The following VIM variants were observed in gnomAD, a reference collection of about 807,000 sequenced individuals.
VIM encodes epididymis secretory sperm binding protein.
VIM carries 18 observed loss-of-function variants against 50.3 expected under a neutral mutation model. The observed-to-expected ratio is 0.36, with a 90% CI of 0.25 to 0.53. The LOEUF is 0.53. VIM is among the 20% of genes least tolerant of loss of function. The pLI is 0.91. For synonymous variants in VIM, 245 were observed against 248.5 expected, an observed-to-expected ratio of 0.99 and a Z score of 0.13; for missense variants, 551 against 614.7, an observed-to-expected ratio of 0.90 and a Z score of 1.10.
chr10:17,228,781 G>GC, intron 1 of VIM: 1 of 153,758 alleles, frequency 6.5e-6, no homozygotes, highest in Non-Finnish European at 1.4e-5. Context: ...CGCTGTGCGC[G>GC]CCCCCACCCC....
intron 3 of VIM, 171 bp from the exon 4 acceptor site, chr10:17,233,416 G>A: frequency 3.1e-6 from 2 of 647,456 alleles, no homozygotes; most frequent in East Asian, 5.6e-5. Context: ...AGAAAGCACA[G>A]CATATTATAG....
Position 17,229,764 on chromosome 10 carries a change from C to T in VIM, c.342C>T (p.Phe114=). The part of the protein sequence containing the change: ...KVELQELNDR[F]ANYIDKVRFL... ...AGCTGCAGGAGCTGAATGACCGCTT[C>T]GCCAACTACATCGACAAGGTGCGCT... The change falls in exon 2 of 10, where the codon TTC becomes TTT. Residue 114 remains phenylalanine (F), a synonymous_variant. Transcript: ENST00000544301. 1 of 1,589,344 alleles carries T rather than the reference C, an allele frequency of 6.3e-7. No individual in the cohort carries two copies. The highest frequency in any genetic ancestry group is 8.6e-7 in the Non-Finnish European group (1 of 1,167,304).
intron 3 of VIM, among the ~76,000 whole-genome samples, chr10:17,231,756 A>G (rs1846802645): frequency 6.9e-6 from 1 of 144,206 alleles, no homozygotes; most frequent in South Asian, 2.4e-4. Context: ...AATTTTAACT[A>G]AAGGGTTTTT....
chr10:17,233,215 T>C (rs1846826977), intron 3 of VIM: 4 of 310,574 alleles, frequency 1.3e-5, no homozygotes, highest in South Asian at 1.1e-4. Context: ...CCCAAAGTGC[T>C]GGGATTACAG....
rs7096093 is a variant in VIM, at chr10:17,233,700, C to G, written c.720+18C>G. ...ACGAAGAGGTTAGTGGAGTGACTTT[C>G]GGGGAATGAATGAGGGTAAGGCAGC... On this transcript the variant is annotated intron_variant, in intron 4 of 9. Coordinates refer to ENST00000544301, the MANE Select transcript of VIM (RefSeq NM_003380.5). 5 of 1,614,064 alleles carry G rather than the reference C, an allele frequency of 3.1e-6. No individual in the cohort carries two copies. The African/African-American group carries it at 5.3e-5, about 17-fold the overall frequency.
At chr10:17,232,689 A>G (rs1344845500) in intron 3 of VIM, among the ~76,000 whole-genome samples, 3 of 152,360 alleles carry the variant, frequency 2.0e-5, no homozygotes, top group South Asian at 4.1e-4. Flanking sequence ...GTTATTGAAT[A>G]TAAATCTAGC....
intron 2 of VIM, 84 bp from the exon 3 acceptor site, chr10:17,230,566 G>T (rs777681829): frequency 6.8e-7 from 1 of 1,473,956 alleles, no homozygotes; most frequent in South Asian, 1.1e-5. Context: ...TGGAGGCGCA[G>T]AGCGAATACG....
Position 17,230,623 on chromosome 10 carries a change from C to A in VIM, c.564-27C>A, listed in dbSNP as rs77259094. ...CCGCCCCTGGCGGTTTCCTCGTTCC[C>A]CTTTGGTTAATGCGCAACTGTTTCA... On this transcript the variant is annotated intron_variant, in intron 2 of 9. Coordinates refer to ENST00000544301, the MANE Select transcript of VIM (RefSeq NM_003380.5). The A allele has an allele frequency of 7.9e-3, 12,780 of 1,613,798 alleles. 109 individuals carry two copies. The highest frequency in any genetic ancestry group is 0.022 in the South Asian group (2,004 of 91,068).
chr10:17,230,087 G>T, intron 2 of VIM, 102 bp downstream of exon 2: 1 of 1,402,056 alleles, frequency 7.1e-7, no homozygotes, highest in East Asian at 2.5e-5. Context: ...CCTTGGGGAT[G>T]TGGCCGGGGG....
At chr10:17,233,399 G>A in intron 3 of VIM, 188 bp from the exon 4 acceptor site, 1 of 602,112 alleles carries the variant, frequency 1.7e-6, no homozygotes, top group South Asian at 1.9e-5. Context: ...ATATATTAGT[G>A]AGCAGGAGAA....
chr10:17,236,254 A>C (rs964849925), intron 8 of VIM, 40 bp from the exon 9 acceptor site: 2 of 1,487,212 alleles, frequency 1.3e-6, no homozygotes, highest in Non-Finnish European at 1.9e-6. Flanking sequence ...TCCAAGAAAA[A>C]ACTCGTTTTT....
chr10:17,232,251 T>C lies in VIM; in HGVS notation c.625-1336T>C, dbSNP rs968529957. Reference sequence around the variant, plus strand: ...TGATCTTTTTGTCACCCACTCTTCATTCATTTTTCCACTAAGGTGATAGAA... The same window carrying C: ...TGATCTTTTTGTCACCCACTCTTCACTCATTTTTCCACTAAGGTGATAGAA... On this transcript the variant is annotated intron_variant, in intron 3 of 9. Transcript: ENST00000544301. 6.0e-4 allele frequency among the ~76,000 whole-genome samples: 91 copies of C among 152,250 alleles called. 1 individual carries two copies. Among genetic ancestry groups the C allele is most frequent in the African/African-American group, 1.9e-3 (79 of 41,472 alleles).
Position 17,236,300 on chromosome 10 carries a change from A to G in VIM, c.1280A>G (p.Asn427Ser). The change falls in exon 9 of 10, where the codon AAT (asparagine) becomes AGT (serine). Residue 427 changes from asparagine (N) to serine (S), a missense_variant. By Grantham distance (46) the Asn-to-Ser change is conservative. Coordinates refer to ENST00000544301, the MANE Select transcript of VIM (RefSeq NM_003380.5). The part of the protein sequence containing the change: ...NFSSLNLRET[N>S]LDSLPLVDTH... ...GGCCTGTTTGTTTATTTAGAAACTA[A>G]TCTGGATTCACTCCCTCTGGTTGAT... The G allele has an allele frequency of 6.2e-7, 1 of 1,613,278 alleles. No individual in the cohort carries two copies. The highest frequency in any genetic ancestry group is 8.5e-7 in the Non-Finnish European group (1 of 1,179,250).
chr10:17,235,629 TC>T, intron 7 of VIM: 1 of 692,826 alleles, frequency 1.4e-6, no homozygotes, highest in Non-Finnish European at 2.5e-6. Flanking sequence ...CACTCCTAAC[TC>T]CTGTTCATGC....
Position 17,229,313 on chromosome 10 carries a change from G to T in VIM, c.-110G>T, listed in dbSNP as rs1846735436. On this transcript the variant is annotated 5_prime_UTR_variant, in exon 2 of 10. Coordinates refer to ENST00000544301, the MANE Select transcript of VIM (RefSeq NM_003380.5). ...CTCGCTCCGAGGTCCCCGCGCCAGAGACGCAGCCGCGCTCCCACCACCCAC... is the reference window on the plus strand; with the variant it reads ...CTCGCTCCGAGGTCCCCGCGCCAGATACGCAGCCGCGCTCCCACCACCCAC... 1.5e-5 allele frequency: 18 copies of T among 1,182,692 alleles called. No individual in the cohort carries two copies. Among genetic ancestry groups the T allele is most frequent in the Non-Finnish European group, 1.9e-5 (16 of 836,462 alleles). 73.3% of individuals were successfully genotyped at this position (1,182,692 alleles called of 1,614,324 possible). A position where few individuals can be genotyped will look rare whatever the true frequency, so the allele number is the denominator to read the frequency against.
Position 17,229,277 on chromosome 10 carries a change from C to A in VIM, c.-146C>A. 1.2e-6 allele frequency: 1 copy of A among 827,260 alleles called. No homozygotes were observed. The highest frequency in any genetic ancestry group is 1.9e-6 in the Non-Finnish European group (1 of 521,288). 51.2% of individuals were successfully genotyped at this position (827,260 alleles called of 1,614,324 possible). On this transcript the variant is annotated splice_region_variant and 5_prime_UTR_variant, in exon 2 of 10. Coordinates refer to ENST00000544301, the MANE Select transcript of VIM (RefSeq NM_003380.5). ...AACAGCGCCCTCGGCGGGGTCCAGTCCTCTGCCACTCTCGCTCCGAGGTCC... is the reference window on the plus strand; with the variant it reads ...AACAGCGCCCTCGGCGGGGTCCAGTACTCTGCCACTCTCGCTCCGAGGTCC...
chr10:17,233,926 T>C lies in VIM; in HGVS notation c.877T>C (p.Ser293Pro). Residue 293 changes from serine (S) to proline (P), a missense_variant, in exon 5 of 10, where the codon TCC becomes CCC. Transcript: ENST00000544301. ...GCAGGAGGCAGAAGAATGGTACAAA[T>C]CCAAGGTAGGAAACAAATCAGTGCG... ...NLQEAEEWYK[S>P]KFADLSEAAN... The C allele has an allele frequency of 1.2e-6, 2 of 1,613,194 alleles. No homozygotes were observed. The highest frequency in any genetic ancestry group is 1.7e-6 in the Non-Finnish European group (2 of 1,179,580).
chr10:17,231,406 A>G (rs542618602), intron 3 of VIM, among the ~76,000 whole-genome samples: 35 of 152,232 alleles, frequency 2.3e-4, no homozygotes, highest in African/African-American at 7.9e-4. Context: ...AATGGTTTCT[A>G]TGGGCTTCAC....
Position 17,235,858 on chromosome 10 carries a change from T to G in VIM, c.1242T>G (p.Pro414=). 6.2e-7 allele frequency: 1 copy of G among 1,614,068 alleles called. No homozygotes were observed. Among genetic ancestry groups the G allele is most frequent in the Non-Finnish European group, 8.5e-7 (1 of 1,179,928 alleles). Residue 414 remains proline (P), a synonymous_variant, in exon 8 of 10, where the codon CCT becomes CCG. Transcript: ENST00000544301. ...LEGEESRISL[P]LPNFSSLNLR... is the part of the protein sequence containing the mutation. Reference sequence around the variant, plus strand: ...CATCTGTTTATAGGATTTCTCTGCCTCTTCCAAACTTTTCCTCCCTGAACC... The same window carrying G: ...CATCTGTTTATAGGATTTCTCTGCCGCTTCCAAACTTTTCCTCCCTGAACC...
Sources: gnomAD v4.1 joint callset for allele counts (sites outside exome capture counted in the v4.1 genomes callset) on GRCh38, gnomAD v4.1.1 for gene constraint, MANE v1.5 for transcripts, NCBI Gene and HGNC (gene_info 2026-07-23, HGNC 2026-07-21) for gene names.